The following DCC variants were observed in gnomAD, a reference collection of about 807,000 sequenced individuals.
The protein encoded by DCC is netrin receptor DCC.
Under a neutral mutation model 172.5 loss-of-function variants are expected in DCC, and 58 were observed. The observed-to-expected ratio is 0.34, with a 90% confidence interval of 0.27 to 0.42. DCC has a LOEUF of 0.42. Ranked by LOEUF, DCC falls within the 10% of genes least tolerant of loss-of-function variation. DCC has a pLI of 1.00. For synonymous variants in DCC, 709 were observed against 644.5 expected, an observed-to-expected ratio of 1.10 and a Z score of -1.52; for missense variants, 1,740 against 1,791.0, an observed-to-expected ratio of 0.97 and a Z score of 0.51.
intron 1 of DCC, among the ~76,000 whole-genome samples, chr18:52,703,752 C>A (rs1174625699): frequency 6.7e-6 from 1 of 149,490 alleles, no homozygotes; most frequent in East Asian, 2.0e-4. Flanking sequence ...AAAATGTGCT[C>A]AGGTAACATG....
intron 7 of DCC, among the ~76,000 whole-genome samples, chr18:53,149,364 C>T (rs2043965681): frequency 6.6e-6 from 1 of 152,200 alleles, no homozygotes; most frequent in South Asian, 2.1e-4. Flanking sequence ...ACTCTGTACA[C>T]TAAATATTTT....
intron 15 of DCC, among the ~76,000 whole-genome samples, chr18:53,346,354 G>T (rs1214151739): frequency 6.6e-6 from 1 of 151,960 alleles, no homozygotes; most frequent in South Asian, 2.1e-4. Context: ...TGGTCATTTT[G>T]TCTTCAAATA....
chr18:52,709,625 G>A (rs1568055970), intron 1 of DCC, among the ~76,000 whole-genome samples: 1 of 152,116 alleles, frequency 6.6e-6, no homozygotes, highest in African/African-American at 2.4e-5. Context: ...TGCTTTCACA[G>A]AATGTATGCT....
chr18:52,720,242 C>T (rs112708576), intron 1 of DCC, among the ~76,000 whole-genome samples: 128 of 152,270 alleles, frequency 8.4e-4, no homozygotes, highest in African/African-American at 2.9e-3. Flanking sequence ...ATGGAATTGA[C>T]TTTCAAAATG....
At chr18:52,776,572 TG>T (rs1281586657) in intron 2 of DCC, among the ~76,000 whole-genome samples, 7 of 152,108 alleles carry the variant, frequency 4.6e-5, no homozygotes, top group Admixed American at 3.9e-4. Flanking sequence ...ATAACATCCC[TG>T]AGAGATCTTC....
chr18:52,886,493 A>G (rs1298275162), intron 2 of DCC, among the ~76,000 whole-genome samples: 2 of 152,170 alleles, frequency 1.3e-5, no homozygotes, highest in Non-Finnish European at 2.9e-5. Context: ...CTGTCCCACA[A>G]TTGCACAGAC....
rs113834573 is a variant in DCC, at chr18:53,275,827, T to A, written c.1912-29751T>A. On this transcript the variant is annotated intron_variant, in intron 12 of 28. Transcript: ENST00000442544. ...CAAATGTTATTGACTATAATTTTTT[T>A]AAAATAATTTTGTTACAATTTTTCT... Among the ~76,000 whole-genome samples the A allele has an allele frequency of 1.8e-3, 278 of 152,256 alleles. 1 individual carries two copies. Among genetic ancestry groups the A allele is most frequent in the African/African-American group, 5.9e-3 (247 of 41,568 alleles).
At chr18:52,886,707 C>T (rs114635746) in intron 2 of DCC, among the ~76,000 whole-genome samples, 2,298 of 152,192 alleles carry the variant, frequency 0.015, 43 homozygotes, top group African/African-American at 0.038. Context: ...ATCTCCTACC[C>T]TCTTCAGAGT....
Position 52,447,214 on chromosome 18 carries a change from T to C in DCC, c.91+106336T>C, listed in dbSNP as rs116813813. ...AAAGATAACCCCCCGTCTTAGTCGA[T>C]AATACTCTCACTCTGCTAACCATTT... On this transcript the variant is annotated intron_variant, in intron 1 of 28. Coordinates refer to ENST00000442544, the MANE Select transcript of DCC (RefSeq NM_005215.4). 5.7e-3 allele frequency among the ~76,000 whole-genome samples: 873 copies of C among 152,312 alleles called. 13 individuals are homozygous for C. Among genetic ancestry groups the C allele is most frequent in the African/African-American group, 0.019 (791 of 41,554 alleles).
At chr18:53,236,957 G>C (rs2056211884) in intron 12 of DCC, 1 of 151,984 alleles carries the variant, frequency 6.6e-6, no homozygotes, top group South Asian at 2.1e-4. Flanking sequence ...AGTACCATGT[G>C]GTCTTATTTG....
chr18:53,460,551 C>G (rs1329686609), intron 24 of DCC, among the ~76,000 whole-genome samples: 1 of 150,510 alleles, frequency 6.6e-6, no homozygotes, highest in Non-Finnish European at 1.5e-5. Flanking sequence ...TTGTTCTTGT[C>G]ATAGTTTACT....
intron 1 of DCC, among the ~76,000 whole-genome samples, chr18:52,689,535 T>G (rs1446280985): frequency 6.6e-6 from 1 of 152,098 alleles, no homozygotes; most frequent in Non-Finnish European, 1.5e-5. Context: ...TGAGTAAGGC[T>G]AGGGACCCTA....
At chr18:52,717,968 C>A (rs531489655) in intron 1 of DCC, among the ~76,000 whole-genome samples, 1 of 152,236 alleles carries the variant, frequency 6.6e-6, no homozygotes, top group South Asian at 2.1e-4. Context: ...AAAAACCAAA[C>A]GCCTGAAACC....
At chr18:53,062,284 TC>T (rs955070210) in intron 5 of DCC, among the ~76,000 whole-genome samples, 2 of 152,098 alleles carry the variant, frequency 1.3e-5, no homozygotes, top group African/African-American at 4.8e-5. Context: ...AGAAAGTTTT[TC>T]TGATGGCTGT....
chr18:53,398,614 G>T (rs760070350), intron 18 of DCC, among the ~76,000 whole-genome samples: 2 of 152,222 alleles, frequency 1.3e-5, no homozygotes, highest in Middle Eastern at 3.4e-3. Context: ...GGCCTTCCCT[G>T]TGTGAAAGAG....
intron 3 of DCC, among the ~76,000 whole-genome samples, chr18:52,917,478 A>T (rs116617454): frequency 6.6e-6 from 1 of 152,322 alleles, no homozygotes; most frequent in African/African-American, 2.4e-5. Flanking sequence ...CTGAGACCCA[A>T]CAGTTTGGGA....
chr18:52,924,433 C>T (rs1343693847), intron 4 of DCC, among the ~76,000 whole-genome samples: 1 of 151,990 alleles, frequency 6.6e-6, no homozygotes, highest in African/African-American at 2.4e-5. Flanking sequence ...TTAGCTTCAA[C>T]TATATCGCTC....
At chr18:52,852,450 GAAAAACA>G (rs139853779) in intron 2 of DCC, among the ~76,000 whole-genome samples, 2,566 of 151,912 alleles carry the variant, frequency 0.017, 72 homozygotes, top group African/African-American at 0.058. Context: ...TTTGAAAACT[GAAAAACA>G]AAAAACAAAA....
At chr18:53,138,777 G>T (rs537067913) in intron 7 of DCC, among the ~76,000 whole-genome samples, 4 of 152,122 alleles carry the variant, frequency 2.6e-5, no homozygotes, top group Non-Finnish European at 5.9e-5. Flanking sequence ...GCAGAATAAA[G>T]CTGCTACTCT....
Sources: allele counts gnomAD v4.1 joint callset (sites outside exome capture counted in the v4.1 genomes callset), GRCh38; gene constraint gnomAD v4.1.1; transcripts MANE v1.5; gene names NCBI Gene and HGNC (gene_info 2026-07-23, HGNC 2026-07-21).